FRMPD1: variants seen among roughly 807,000 people sequenced by gnomAD.
FRMPD1 encodes the protein FERM and PDZ domain-containing protein 1.
In FRMPD1, 76 loss-of-function variants were observed where a neutral mutation model predicts 117.8. The observed-to-expected ratio is 0.65, with a 90% CI of 0.54 to 0.78. The LOEUF (loss-of-function observed/expected upper bound fraction) is 0.78. Ranked by LOEUF, FRMPD1 falls within the 30% of genes least tolerant of loss-of-function variation. The pLI is 0.00. For missense variants in FRMPD1, 1,786 were observed against 1,964.5 expected (o/e 0.91, Z 1.72); for synonymous variants, 783 against 770.4 (o/e 1.02, Z -0.27).
chr9:37,743,634 T>C (rs1463796455), intron 15 of FRMPD1, among the ~76,000 whole-genome samples: 1 of 147,224 alleles, frequency 6.8e-6, no homozygotes, highest in Non-Finnish European at 1.5e-5. Flanking sequence ...TCGTGAACAG[T>C]TCCAGCAGAC....
chr9:37,721,670 T>A (rs1470338775), intron 6 of FRMPD1, among the ~76,000 whole-genome samples: 4 of 152,174 alleles, frequency 2.6e-5, no homozygotes. Context: ...ATAATTTAAA[T>A]GTGAAAATCC....
At chr9:37,680,162 C>T (rs189210061) in intron 1 of FRMPD1, among the ~76,000 whole-genome samples, 6 of 152,210 alleles carry the variant, frequency 3.9e-5, no homozygotes, top group South Asian at 2.1e-4. Context: ...CTGTAGCTCT[C>T]GAAGGGCCAT....
the FRMPD1 span, among the ~76,000 whole-genome samples, chr9:37,626,021 C>T: frequency 1.3e-5 from 2 of 152,122 alleles, no homozygotes; most frequent in African/African-American, 4.8e-5. Context: ...GGTGAAACCC[C>T]GTATCTATTA....
At chr9:37,648,388 T>G (rs971518349), upstream of FRMPD1, among the ~76,000 whole-genome samples, 1 of 152,148 alleles carries the variant, frequency 6.6e-6, no homozygotes, top group African/African-American at 2.4e-5. Flanking sequence ...AGGATCACTG[T>G]GGATTCACGT....
intron 1 of FRMPD1, among the ~76,000 whole-genome samples, chr9:37,652,052 A>G (rs925529469): frequency 2.0e-5 from 3 of 152,250 alleles, no homozygotes; most frequent in Admixed American, 1.3e-4. Flanking sequence ...TTGGACCGTC[A>G]TGAAATATTC....
intron 1 of FRMPD1, among the ~76,000 whole-genome samples, chr9:37,665,719 C>T (rs1016824415): frequency 2.0e-5 from 3 of 152,156 alleles, no homozygotes; most frequent in Admixed American, 6.6e-5. Flanking sequence ...CTTTCTCATG[C>T]TTAAAAGTGG....
the FRMPD1 span, among the ~76,000 whole-genome samples, chr9:37,624,687 A>C: frequency 6.6e-6 from 1 of 152,242 alleles, no homozygotes. Flanking sequence ...AATGAGATAC[A>C]GGAATAAAAC....
rs887931767 is a variant in FRMPD1 at position 37,659,790 on chromosome 9, G to C, written c.-5+8696G>C. On this transcript the variant is annotated intron_variant, in intron 1 of 15. Transcript: ENST00000377765. ...ACTAGCCTGTTTCAGAAGTTCCATG[G>C]TCCTTTAAGTGTGATCTCCAGTCTG... is the stretch of plus-strand genomic sequence containing the variant. Among the ~76,000 whole-genome samples, 8 of 151,806 alleles carry C rather than the reference G, an allele frequency of 5.3e-5. No homozygotes were observed. In the South Asian group the frequency reaches 1.7e-3, roughly 32 times the overall value.
At position 37,744,383 on chromosome 9, in the gene FRMPD1, TC is replaced by T; in HGVS notation, c.2357-3del. 1 of 1,567,936 alleles carries T rather than the reference TC, an allele frequency of 6.4e-7. No individual in the cohort carries two copies. ...TTTAATGTATTTTTTCTTTCCTGAC[TC>T]CCAGGGCCCAGAGATGTTTCTACTG... On this transcript the variant is annotated splice_region_variant and splice_polypyrimidine_tract_variant and intron_variant, in intron 15 of 15. Transcript: ENST00000377765.
chr9:37,643,929 C>T, the FRMPD1 span, among the ~76,000 whole-genome samples: 1 of 152,134 alleles, frequency 6.6e-6, no homozygotes, highest in African/African-American at 2.4e-5. Flanking sequence ...CTGCTGTGTG[C>T]CATTGTGTAG....
At chr9:37,688,819 T>TA (rs1043438214) in intron 1 of FRMPD1, among the ~76,000 whole-genome samples, 24 of 152,174 alleles carry the variant, frequency 1.6e-4, no homozygotes, top group African/African-American at 5.5e-4. Flanking sequence ...TGTGTAAGCA[T>TA]AAAAAATGAT....
chr9:37,692,597 T>G, intron 1 of FRMPD1, 41 bp from the exon 2 acceptor site: 1 of 1,224,044 alleles, frequency 8.2e-7, no homozygotes, highest in Non-Finnish European at 1.2e-6. Flanking sequence ...CTCTTTAGAG[T>G]ATTTTGGTTA....
chr9:37,658,434 G>T (rs1226792216), intron 1 of FRMPD1, among the ~76,000 whole-genome samples: 1 of 152,120 alleles, frequency 6.6e-6, no homozygotes, highest in Non-Finnish European at 1.5e-5. Flanking sequence ...TACTTCTTAG[G>T]TGCTGTATTT....
At chr9:37,643,688 C>T in the FRMPD1 span, among the ~76,000 whole-genome samples, 1 of 152,032 alleles carries the variant, frequency 6.6e-6, no homozygotes, top group East Asian at 1.9e-4. Flanking sequence ...CTATTGACTC[C>T]CTTTAAATAA....
chr9:37,692,688 G>C lies in FRMPD1; in HGVS notation c.47G>C (p.Arg16Thr), dbSNP rs1400389405. The change falls in exon 2 of 16, where the codon AGA (arginine) becomes ACA (threonine). Residue 16 changes from arginine to threonine, a missense_variant. Arg to Thr is a moderately conservative substitution (Grantham distance 71). Transcript: ENST00000377765. ...TSLFQTRKAH[R>T]IEQMVARWLR... is the part of the protein sequence containing the mutation. ...TTATTCCAGACACGGAAAGCACATA[G>C]AATAGAACAAATGGTGGCAAGATGG... 3 of 1,613,934 alleles carry C rather than the reference G, an allele frequency of 1.9e-6. No individual in the cohort carries two copies. In the East Asian group the frequency reaches 6.7e-5, roughly 36 times the overall value.
the FRMPD1 span, among the ~76,000 whole-genome samples, chr9:37,603,722 A>C: frequency 2.0e-5 from 3 of 152,116 alleles, no homozygotes; most frequent in African/African-American, 7.2e-5. Flanking sequence ...CTTGTCGTCC[A>C]GGCTGGAGTG....
intron 5 of FRMPD1, among the ~76,000 whole-genome samples, chr9:37,713,470 T>C (rs1446499261): frequency 1.3e-5 from 2 of 151,458 alleles, no homozygotes; most frequent in Non-Finnish European, 2.9e-5. Context: ...AAAAACAAAA[T>C]GATTATAGCT....
intron 1 of FRMPD1, among the ~76,000 whole-genome samples, chr9:37,680,388 C>A (rs1187756476): frequency 6.6e-6 from 1 of 152,086 alleles, no homozygotes; most frequent in African/African-American, 2.4e-5. Context: ...TTTTAATGTG[C>A]ACCAAGAAAA....
At chr9:37,670,608 G>C (rs1821318246) in intron 1 of FRMPD1, among the ~76,000 whole-genome samples, 1 of 152,250 alleles carries the variant, frequency 6.6e-6, no homozygotes, top group Non-Finnish European at 1.5e-5. Flanking sequence ...AACTAGGTCA[G>C]TGTCAAATGG....
Sources: allele counts gnomAD v4.1 joint callset (sites outside exome capture counted in the v4.1 genomes callset), GRCh38; gene constraint gnomAD v4.1.1; transcripts MANE v1.5; gene names NCBI Gene and HGNC (gene_info 2026-07-23, HGNC 2026-07-21).